Variants in SESTD1 observed in about 807,000 individuals in gnomAD.
The protein encoded by SESTD1 is SEC14 and spectrin domain containing 1.
A neutral mutation model predicts 101.7 loss-of-function variants in SESTD1; 43 were observed. That is an observed-to-expected ratio of 0.42 (90% confidence interval 0.33 to 0.55). The LOEUF is 0.55. SESTD1 is among the 20% of genes least tolerant of loss of function. The pLI is 0.07. For synonymous variants in SESTD1, 283 were observed against 286.8 expected (o/e 0.99, Z 0.13); for missense variants, 647 against 815.1 (o/e 0.79, Z 2.51).
At chr2:179,166,200 T>A (rs1027579575) in intron 5 of SESTD1, among the ~76,000 whole-genome samples, 4 of 151,924 alleles carry the variant, frequency 2.6e-5, no homozygotes, top group Non-Finnish European at 5.9e-5. Flanking sequence ...GGAGGCTGAA[T>A]CTCTAGAGGA....
intron 5 of SESTD1, among the ~76,000 whole-genome samples, chr2:179,155,544 A>G (rs2045611565): frequency 6.6e-6 from 1 of 151,892 alleles, no homozygotes; most frequent in African/African-American, 2.4e-5. Flanking sequence ...TGAGCCCAGG[A>G]TTTCGAGACT....
chr2:179,167,004 A>C (rs2045847119), intron 5 of SESTD1, among the ~76,000 whole-genome samples: 1 of 152,222 alleles, frequency 6.6e-6, no homozygotes, highest in African/African-American at 2.4e-5. Context: ...ACATTCAATA[A>C]AAAATAACAA....
intron 1 of SESTD1, among the ~76,000 whole-genome samples, chr2:179,198,367 C>T (rs1030123216): frequency 1.3e-5 from 2 of 152,162 alleles, no homozygotes; most frequent in African/African-American, 2.4e-5. Flanking sequence ...GAGACTTTAA[C>T]ACCCCACTGT....
intron 13 of SESTD1, among the ~76,000 whole-genome samples, chr2:179,118,412 T>A (rs1351062193): frequency 1.3e-5 from 2 of 152,226 alleles, no homozygotes; most frequent in Non-Finnish European, 2.9e-5. Context: ...TTCCATGAAA[T>A]TCTGCGTACT....
At chr2:179,247,623 A>AG (rs1245268261) in intron 1 of SESTD1, among the ~76,000 whole-genome samples, 4 of 148,986 alleles carry the variant, frequency 2.7e-5, no homozygotes, top group Non-Finnish European at 5.9e-5. Flanking sequence ...CTTTTTTTGT[A>AG]GAGACAAGAT....
At chr2:179,131,658 T>C (rs2045016898) in intron 10 of SESTD1, among the ~76,000 whole-genome samples, 1 of 152,220 alleles carries the variant, frequency 6.6e-6, no homozygotes, top group Admixed American at 6.5e-5. Context: ...AAGAATTAAC[T>C]GTAACAGAGC....
chr2:179,115,321 G>A, intron 15 of SESTD1, 65 bp from the exon 16 acceptor site: 1 of 1,273,122 alleles, frequency 7.9e-7, no homozygotes, highest in East Asian at 2.5e-5. Flanking sequence ...TGGGGAAAGT[G>A]TGCAGGAAGA....
At position 179,105,793 on chromosome 2, in the gene SESTD1, C is replaced by T. The variant is rs982925355; in HGVS notation, c.*4106G>A. ...GATAAATTCTCAGATATTTTTTTAA[C>T]AGTAAATGGCAAAGCCAGATTTTTG... On this transcript the variant is annotated 3_prime_UTR_variant, in exon 18 of 18. Coordinates refer to ENST00000428443, the MANE Select transcript of SESTD1 (RefSeq NM_178123.5). 1.3e-5 allele frequency: 2 copies of T among 152,064 alleles called. No individual in the cohort carries two copies. Among genetic ancestry groups the T allele is most frequent in the African/African-American group, 4.8e-5 (2 of 41,410 alleles). 9.4% of individuals were successfully genotyped at this position (152,064 alleles called of 1,614,324 possible).
At chr2:179,208,064 T>C (rs2046610970) in intron 1 of SESTD1, among the ~76,000 whole-genome samples, 1 of 133,836 alleles carries the variant, frequency 7.5e-6, no homozygotes, top group South Asian at 2.9e-4. Context: ...AAGACCCACT[T>C]AGAGAAATGC....
intron 17 of SESTD1, among the ~76,000 whole-genome samples, chr2:179,110,441 A>C (rs779828790): frequency 5.9e-5 from 9 of 152,164 alleles, no homozygotes; most frequent in Non-Finnish European, 1.2e-4. Context: ...TAATGTTATG[A>C]CATTTTTTGG....
rs535702264 is a variant in SESTD1, at chr2:179,236,941, G to A, written c.-26+27558C>T. ...CAAGGATCATCTTTTTGGTCAAAGC[G>A]TTTTAAAAGCAGTAATTACTGATTT... is the stretch of plus-strand genomic sequence containing the variant. On this transcript the variant is annotated intron_variant, in intron 1 of 17. Coordinates refer to ENST00000428443, the MANE Select transcript of SESTD1 (RefSeq NM_178123.5). 9.7e-4 allele frequency among the ~76,000 whole-genome samples: 147 copies of A among 151,748 alleles called. 1 individual carries two copies. The highest frequency in any genetic ancestry group is 3.2e-3 in the African/African-American group (132 of 41,434).
intron 6 of SESTD1, 21 bp downstream of exon 6, chr2:179,151,257 A>G: frequency 1.4e-6 from 2 of 1,429,790 alleles, no homozygotes; most frequent in Non-Finnish European, 1.9e-6. Context: ...ATAACATTTT[A>G]TCTCATTGTA....
In SESTD1 at chr2:179,124,512, A is replaced by C. The variant is rs752388190; in HGVS notation, c.1019T>G (p.Leu340Arg). The C allele has an allele frequency of 2.7e-5, 43 of 1,613,980 alleles. No homozygotes were observed. The highest frequency in any genetic ancestry group is 3.2e-5 in the Non-Finnish European group (38 of 1,179,982). Residue 340 changes from leucine to arginine, a missense_variant, in exon 11 of 18, where the codon CTC becomes CGC. Leu to Arg is a moderately radical substitution (Grantham distance 102). This residue lies in a region of SESTD1 where 476 missense variants were observed against 562.6 expected (regional missense o/e 0.85). Coordinates refer to ENST00000428443, the MANE Select transcript of SESTD1 (RefSeq NM_178123.5). Reference protein sequence around the residue: ...YVELNQQIAALLNAGDEEDLV... With the variant: ...YVELNQQIAARLNAGDEEDLV... ...ATCTTCCTCATCGCCAGCATTCAAG[A>C]GTGCTGCAATTTGCTGATTAAGTTC... is the stretch of plus-strand genomic sequence containing the variant.
intron 1 of SESTD1, among the ~76,000 whole-genome samples, chr2:179,220,214 C>T (rs961984206): frequency 6.6e-6 from 1 of 152,206 alleles, no homozygotes. Context: ...TTCTCCACCC[C>T]TCTAGGCATT....
chr2:179,147,546 G>C (rs1379934809), intron 7 of SESTD1, among the ~76,000 whole-genome samples: 1 of 152,056 alleles, frequency 6.6e-6, no homozygotes, highest in African/African-American at 2.4e-5. Context: ...ATTTTTAGTA[G>C]AGATGGGGTT....
At chr2:179,119,850 G>C (rs2044708800) in intron 13 of SESTD1, among the ~76,000 whole-genome samples, 1 of 152,090 alleles carries the variant, frequency 6.6e-6, no homozygotes, top group South Asian at 2.1e-4. Context: ...CTTCCATCAT[G>C]AGTGGAAGTT....
intron 7 of SESTD1, among the ~76,000 whole-genome samples, chr2:179,147,384 C>T (rs1207629013): frequency 4.8e-5 from 7 of 145,420 alleles, no homozygotes; most frequent in East Asian, 2.0e-4. Flanking sequence ...TTTTTTGAGA[C>T]GGAGTCTCGC....
chr2:179,245,756 G>C (rs1006759755), intron 1 of SESTD1, among the ~76,000 whole-genome samples: 6 of 151,786 alleles, frequency 4.0e-5, no homozygotes, highest in Admixed American at 1.3e-4. Context: ...AGAGAAACAG[G>C]GATGAACAGA....
At chr2:179,160,805 CT>C (rs112546498) in intron 5 of SESTD1, among the ~76,000 whole-genome samples, 7 of 150,902 alleles carry the variant, frequency 4.6e-5, no homozygotes, top group Admixed American at 1.3e-4. Flanking sequence ...TATCATTCTA[CT>C]TTTTTTTTGC....
Sources: allele counts gnomAD v4.1 joint callset (sites outside exome capture counted in the v4.1 genomes callset), GRCh38; gene constraint gnomAD v4.1.1; regional missense constraint gnomAD v4.1.1; transcripts MANE v1.5; gene names NCBI Gene and HGNC (gene_info 2026-07-23, HGNC 2026-07-21).